Variants in LRPPRC observed in about 807,000 individuals in gnomAD.
LRPPRC encodes the protein leucine rich pentatricopeptide repeat containing, also known as leucine-rich PPR motif-containing protein, mitochondrial.
A neutral mutation model predicts 180.3 loss-of-function variants in LRPPRC; 120 were observed. That is an observed-to-expected ratio of 0.67 (90% CI 0.57 to 0.77). The LOEUF (loss-of-function observed/expected upper bound fraction) is 0.77, where lower values mean the gene tolerates loss of function less well. Ranked by LOEUF, LRPPRC falls within the 30% of genes least tolerant of loss-of-function variation. The probability of loss-of-function intolerance (pLI) is 0.00; values close to 1 mark genes in which losing one functional copy is unlikely to be tolerated. For missense variants in LRPPRC, 2,012 were observed against 1,657.2 expected, an observed-to-expected ratio of 1.21 and a Z score of -3.72; for synonymous variants, 723 against 600.0, an observed-to-expected ratio of 1.21 and a Z score of -3.00.
intron 1 of LRPPRC, 100 bp downstream of exon 1, chr2:43,995,699 A>G: frequency 2.6e-6 from 3 of 1,135,884 alleles, no homozygotes; most frequent in Non-Finnish European, 3.4e-6. Flanking sequence ...GGCGGGGAGA[A>G]GGGTGGCGAG....
chr2:43,887,906 T>C lies in LRPPRC; in HGVS notation c.*694A>G, dbSNP rs1471663002. The C allele has an allele frequency of 6.6e-6, 1 of 152,464 alleles. No individual in the cohort carries two copies. The highest frequency in any genetic ancestry group is 1.5e-5 in the Non-Finnish European group (1 of 68,264). 9.4% of individuals were successfully genotyped at this position (152,464 alleles called of 1,614,324 possible). A position where few individuals can be genotyped will look rare whatever the true frequency, so the allele number is the denominator to read the frequency against. ...GAAACTACAATGAGAGGAAACACAT[T>C]GCTCTACTTCGGGATAAGTCATGAC... On this transcript the variant is annotated 3_prime_UTR_variant, in exon 38 of 38. Coordinates refer to ENST00000260665, the MANE Select transcript of LRPPRC (RefSeq NM_133259.4).
At chr2:43,916,016 T>C (rs1275030139) in intron 29 of LRPPRC, among the ~76,000 whole-genome samples, 2 of 152,134 alleles carry the variant, frequency 1.3e-5, no homozygotes, top group Non-Finnish European at 2.9e-5. Context: ...CTGCCCACCT[T>C]GGCCTCCCAA....
chr2:43,961,674 T>C (rs1481047462), intron 12 of LRPPRC, among the ~76,000 whole-genome samples: 1 of 152,196 alleles, frequency 6.6e-6, no homozygotes, highest in Non-Finnish European at 1.5e-5. Flanking sequence ...CAAAAGGCAT[T>C]ATCAGGTAGG....
At chr2:43,993,697 A>C (rs1187487684) in intron 1 of LRPPRC, among the ~76,000 whole-genome samples, 2 of 151,856 alleles carry the variant, frequency 1.3e-5, no homozygotes, top group African/African-American at 4.8e-5. Context: ...AGTGGTGAAC[A>C]AGACAAAGTC....
chr2:43,993,764 G>C (rs918298477), intron 1 of LRPPRC, among the ~76,000 whole-genome samples: 1 of 151,310 alleles, frequency 6.6e-6, no homozygotes, highest in Non-Finnish European at 1.5e-5. Flanking sequence ...AGAGAAATAA[G>C]TAATGATATC....
At chr2:43,988,543 AAGAAAAG>A (rs1164922695) in intron 1 of LRPPRC, among the ~76,000 whole-genome samples, 4 of 152,172 alleles carry the variant, frequency 2.6e-5, no homozygotes, top group Non-Finnish European at 5.9e-5. Flanking sequence ...TCTAACAAGA[AAGAAAAG>A]AGACGCCACT....
intron 29 of LRPPRC, among the ~76,000 whole-genome samples, chr2:43,914,318 C>A (rs539757119): frequency 2.0e-5 from 3 of 152,052 alleles, no homozygotes; most frequent in South Asian, 4.2e-4. Flanking sequence ...TCACGATATA[C>A]CTTTAAGTAG....
intron 27 of LRPPRC, among the ~76,000 whole-genome samples, chr2:43,923,700 T>C (rs1385671485): frequency 6.6e-6 from 1 of 151,420 alleles, no homozygotes; most frequent in African/African-American, 2.4e-5. Flanking sequence ...AAGGGCTTCA[T>C]AGTTTTTTTT....
chr2:43,990,636 G>A (rs1279921039), intron 1 of LRPPRC, among the ~76,000 whole-genome samples: 2 of 152,070 alleles, frequency 1.3e-5, no homozygotes, highest in East Asian at 1.9e-4. Flanking sequence ...ACTACCATGT[G>A]TCCTCTAAAA....
chr2:43,904,988 A>T (rs1056418754), intron 31 of LRPPRC, among the ~76,000 whole-genome samples: 1 of 152,042 alleles, frequency 6.6e-6, no homozygotes. Flanking sequence ...AGACCTCCAC[A>T]TCCCAATTCA....
intron 31 of LRPPRC, 145 bp downstream of exon 31, chr2:43,905,547 A>C (rs1671040333): frequency 2.8e-6 from 2 of 722,128 alleles, no homozygotes; most frequent in African/African-American, 3.5e-5. Flanking sequence ...ATGTACAGTA[A>C]TTTATGTCTC....
chr2:43,899,223 A>G lies in LRPPRC; in HGVS notation c.3821T>C (p.Leu1274Pro), dbSNP rs1463217871. ...CCATGAGTGGAGGGTCATTACCTGT[A>G]GGAGAGCTCTGGCATCATCCACCTT... ...AGKVDDARAL[L>P]QRCGAIAEQT... Residue 1274 changes from leucine (L) to proline (P), a missense_variant, in exon 34 of 38, where the codon CTA becomes CCA. Coordinates refer to ENST00000260665, the MANE Select transcript of LRPPRC (RefSeq NM_133259.4). 1 of 1,611,662 alleles carries G rather than the reference A, an allele frequency of 6.2e-7. No homozygotes were observed.
intron 1 of LRPPRC, among the ~76,000 whole-genome samples, chr2:43,991,100 G>A (rs1322690591): frequency 6.7e-6 from 1 of 149,992 alleles, no homozygotes; most frequent in Non-Finnish European, 1.5e-5. Flanking sequence ...CCTGATCTCT[G>A]CTCACTACAA....
At chr2:43,965,678 C>T (rs1673525252) in intron 11 of LRPPRC, among the ~76,000 whole-genome samples, 1 of 152,048 alleles carries the variant, frequency 6.6e-6, no homozygotes, top group South Asian at 2.1e-4. Flanking sequence ...AAAAAAACCC[C>T]AAATAATTCA....
At chr2:43,994,045 C>T (rs1382385338) in intron 1 of LRPPRC, among the ~76,000 whole-genome samples, 1 of 151,838 alleles carries the variant, frequency 6.6e-6, no homozygotes, top group Non-Finnish European at 1.5e-5. Context: ...TCTCTTTATT[C>T]AGTTCTCCTC....
intron 13 of LRPPRC, among the ~76,000 whole-genome samples, chr2:43,958,414 A>C (rs1673208942): frequency 6.6e-6 from 1 of 152,206 alleles, no homozygotes; most frequent in South Asian, 2.1e-4. Context: ...CCATGGGAAA[A>C]GTCATGGCCC....
intron 13 of LRPPRC, among the ~76,000 whole-genome samples, chr2:43,959,889 TAAATAAAATA>T (rs996862101): frequency 6.6e-6 from 1 of 151,878 alleles, no homozygotes; most frequent in African/African-American, 2.4e-5. Flanking sequence ...GTCTCAAAAA[TAAATAAAATA>T]AAATAAAATA....
At position 43,979,688 on chromosome 2, in the gene LRPPRC, T is replaced by C; in HGVS notation, c.469+138A>G. On this transcript the variant is annotated intron_variant, in intron 3 of 37. Coordinates refer to ENST00000260665, the MANE Select transcript of LRPPRC (RefSeq NM_133259.4). Reference sequence around the variant, plus strand: ...CTAGATGTCACTATACCTCACCAAATAAATATTATCAAAAAATTATGAATC... The same window carrying C: ...CTAGATGTCACTATACCTCACCAAACAAATATTATCAAAAAATTATGAATC... The C allele has an allele frequency of 9.7e-6, 7 of 724,670 alleles. No individual in the cohort carries two copies. The South Asian group carries it at 1.2e-4, about 13-fold the overall frequency. The allele number at this position is 724,670 out of a possible 1,614,324, so 44.9% of individuals were successfully genotyped here.
At chr2:43,911,124 A>T (rs1671238875) in intron 30 of LRPPRC, among the ~76,000 whole-genome samples, 1 of 147,092 alleles carries the variant, frequency 6.8e-6, no homozygotes. Context: ...CCAAGTCACT[A>T]ATTAAGGGTA....
Sources: allele counts gnomAD v4.1 joint callset (sites outside exome capture counted in the v4.1 genomes callset), GRCh38; gene constraint gnomAD v4.1.1; transcripts MANE v1.5; gene names NCBI Gene and HGNC (gene_info 2026-07-23, HGNC 2026-07-21).